The following ICOS variants were observed in gnomAD, a reference collection of about 807,000 sequenced individuals.
The protein encoded by ICOS is inducible T-cell costimulator.
In ICOS, 15 loss-of-function variants were observed where a neutral mutation model predicts 24.6. The ratio of observed to expected loss-of-function variants is 0.61; its 90% confidence interval spans 0.41 to 0.94. ICOS has a LOEUF of 0.94. ICOS is among the 40% of genes least tolerant of loss of function. The probability of loss-of-function intolerance (pLI) is 0.00; values close to 1 mark genes in which losing one functional copy is unlikely to be tolerated. For missense variants in ICOS, 200 were observed against 233.0 expected, an observed-to-expected ratio of 0.86 and a Z score of 0.92; for synonymous variants, 89 against 77.5, an observed-to-expected ratio of 1.15 and a Z score of -0.78.
chr2:203,939,026 C>G (rs541846373), intron 1 of ICOS, among the ~76,000 whole-genome samples: 2 of 152,284 alleles, frequency 1.3e-5, no homozygotes, highest in African/African-American at 4.8e-5. Flanking sequence ...CTTGCTTGTC[C>G]TCTGTTGTAT....
intron 1 of ICOS, among the ~76,000 whole-genome samples, chr2:203,949,136 TCCCAGAGAGAG>T (rs1164177200): frequency 6.6e-6 from 1 of 152,196 alleles, no homozygotes; most frequent in Non-Finnish European, 1.5e-5. Context: ...GCTCTTGTAG[TCCCAGAGAGAG>T]ATGACAATGG....
intron 1 of ICOS, among the ~76,000 whole-genome samples, chr2:203,945,723 T>C (rs913455105): frequency 2.0e-5 from 3 of 152,218 alleles, no homozygotes; most frequent in African/African-American, 4.8e-5. Flanking sequence ...TATAATCTTA[T>C]GGGACCGCCA....
At chr2:203,951,615 A>C (rs1021614328) in intron 1 of ICOS, among the ~76,000 whole-genome samples, 1 of 152,152 alleles carries the variant, frequency 6.6e-6, no homozygotes, top group African/African-American at 2.4e-5. Flanking sequence ...TGGGGGAAAA[A>C]TCTGCTGAGA....
chr2:203,941,926 C>T (rs1689783592), intron 1 of ICOS, among the ~76,000 whole-genome samples: 1 of 151,890 alleles, frequency 6.6e-6, no homozygotes, highest in African/African-American at 2.4e-5. Flanking sequence ...GAGTCAGAAA[C>T]TGGGGATATG....
At chr2:203,943,682 G>C (rs1417843093) in intron 1 of ICOS, among the ~76,000 whole-genome samples, 1 of 152,180 alleles carries the variant, frequency 6.6e-6, no homozygotes, top group East Asian at 1.9e-4. Flanking sequence ...TAATAGTATA[G>C]AGAGGGTCTG....
intron 1 of ICOS, among the ~76,000 whole-genome samples, chr2:203,955,149 T>C (rs1180386887): frequency 6.6e-6 from 1 of 152,044 alleles, no homozygotes; most frequent in Non-Finnish European, 1.5e-5. Context: ...AGCTAAGTGC[T>C]ACTAATCCTT....
intron 1 of ICOS, among the ~76,000 whole-genome samples, chr2:203,941,634 A>G (rs1046645532): frequency 1.3e-5 from 2 of 152,238 alleles, no homozygotes; most frequent in African/African-American, 2.4e-5. Context: ...GTAGCTTGCA[A>G]TAACTGAAGA....
At chr2:203,949,021 G>A in intron 1 of ICOS, among the ~76,000 whole-genome samples, 1 of 152,166 alleles carries the variant, frequency 6.6e-6, no homozygotes, top group South Asian at 2.1e-4. Context: ...AGCACCTGGA[G>A]GTTTTATAAG....
At position 203,938,791 on chromosome 2, in the gene ICOS, C is replaced by T. The variant is rs146951685; in HGVS notation, c.58+1919C>T. Among the ~76,000 whole-genome samples the T allele has an allele frequency of 3.4e-3, 517 of 152,202 alleles. 6 individuals carry two copies. Among genetic ancestry groups the T allele is most frequent in the African/African-American group, 0.012 (485 of 41,522 alleles). ...ATTTGTATTCTGGAACAATATTCAT[C>T]GTAGATTCTAAATGAATACAACCAA... On this transcript the variant is annotated intron_variant, in intron 1 of 4. Transcript: ENST00000316386.
intron 3 of ICOS, 63 bp downstream of exon 3, chr2:203,956,828 A>T: frequency 6.3e-6 from 7 of 1,106,728 alleles, no homozygotes; most frequent in Non-Finnish European, 9.7e-6. Context: ...TTATTTCCTC[A>T]TCAAAAGTAC....
Position 203,936,832 on chromosome 2 carries a change from G to A in ICOS, c.18G>A (p.Trp6Ter), listed in dbSNP as rs1448980608. The part of the protein sequence containing the change: MKSGL[W>*]YFFLFCLRIK... ...TGGCAAACATGAAGTCAGGCCTCTG[G>A]TATTTCTTTCTCTTCTGCTTGCGCA... Residue 6 changes from tryptophan (W) to a stop codon, truncating the protein, a stop_gained, in exon 1 of 5, where the codon TGG becomes TGA. Coordinates refer to ENST00000316386, the MANE Select transcript of ICOS (RefSeq NM_012092.4). LOFTEE classifies it high-confidence loss of function. 1 of 1,613,218 alleles carries A rather than the reference G, an allele frequency of 6.2e-7. No homozygotes were observed. Among genetic ancestry groups the A allele is most frequent in the Non-Finnish European group, 8.5e-7 (1 of 1,179,448 alleles).
intron 1 of ICOS, among the ~76,000 whole-genome samples, chr2:203,939,585 G>A (rs960199025): frequency 6.6e-6 from 1 of 152,166 alleles, no homozygotes; most frequent in Admixed American, 6.5e-5. Context: ...TGATGGCAGA[G>A]GGTGTCTAAT....
chr2:203,959,481 C>T (rs148800809), intron 4 of ICOS, 105 bp from the exon 5 acceptor site: 409 of 845,120 alleles, frequency 4.8e-4, no homozygotes, highest in African/African-American at 4.8e-3. Flanking sequence ...TGTGTGTGCA[C>T]GTGTGTGTTT....
intron 1 of ICOS, among the ~76,000 whole-genome samples, chr2:203,943,904 A>C (rs976269238): frequency 1.3e-5 from 2 of 152,042 alleles, no homozygotes; most frequent in African/African-American, 4.8e-5. Context: ...TGAGTCATGC[A>C]GGTTGTCAGG....
Position 203,955,781 on chromosome 2 carries a change from A to T in ICOS, c.204A>T (p.Thr68=), listed in dbSNP as rs767276545. 1.2e-6 allele frequency: 2 copies of T among 1,613,880 alleles called. No homozygotes were observed. Among genetic ancestry groups the T allele is most frequent in the South Asian group, 2.2e-5 (2 of 91,078 alleles). ...GGQILCDLTK[T]KGSGNTVSIK... ...AAATACTCTGCGATCTCACTAAGAC[A>T]AAAGGAAGTGGAAACACAGTGTCCA... Residue 68 remains threonine (T), a synonymous_variant, in exon 2 of 5, where the codon ACA becomes ACT. Transcript: ENST00000316386.
At position 203,936,821 on chromosome 2, in the gene ICOS, T is replaced by C. The variant is rs1331888922; in HGVS notation, c.7T>C (p.Ser3Pro). 1 of 1,613,216 alleles carries C rather than the reference T, an allele frequency of 6.2e-7. No homozygotes were observed. MK[S>P]GLWYFFLFCL... ...TTAACTGTTTCTGGCAAACATGAAG[T>C]CAGGCCTCTGGTATTTCTTTCTCTT... The change falls in exon 1 of 5, where the codon TCA (serine) becomes CCA (proline). Residue 3 changes from serine (S) to proline (P), a missense_variant. By Grantham distance (74) the Ser-to-Pro change is moderately conservative (BLOSUM62 -1). Transcript: ENST00000316386.
intron 1 of ICOS, among the ~76,000 whole-genome samples, chr2:203,942,745 A>T (rs1689800239): frequency 6.6e-6 from 1 of 152,162 alleles, no homozygotes; most frequent in African/African-American, 2.4e-5. Flanking sequence ...TTTCGTAGCA[A>T]ATCTCTTTAG....
At chr2:203,937,663 C>T (rs1311766206) in intron 1 of ICOS, among the ~76,000 whole-genome samples, 1 of 151,946 alleles carries the variant, frequency 6.6e-6, no homozygotes, top group Non-Finnish European at 1.5e-5. Context: ...TATTAAATAA[C>T]TTAAATAATC....
intron 3 of ICOS, 112 bp downstream of exon 3, chr2:203,956,877 C>T (rs1363548692): frequency 1.6e-5 from 12 of 747,496 alleles, no homozygotes; most frequent in Non-Finnish European, 2.6e-5. Flanking sequence ...AACAGGGAGA[C>T]AATTCCTTCC....
Sources: allele counts gnomAD v4.1 joint callset (sites outside exome capture counted in the v4.1 genomes callset), GRCh38; gene constraint gnomAD v4.1.1; transcripts MANE v1.5; gene names NCBI Gene and HGNC (gene_info 2026-07-23, HGNC 2026-07-21).